Variants in RPTOR observed in about 807,000 individuals in gnomAD.
RPTOR encodes the protein regulatory-associated protein of mTOR.
In RPTOR, 21 loss-of-function variants were observed where a neutral mutation model predicts 169.9. The ratio of observed to expected loss-of-function variants is 0.12; its 90% confidence interval spans 0.09 to 0.18. The LOEUF is 0.18. RPTOR is among the 10% of genes least tolerant of loss of function. The pLI is 1.00. For synonymous variants in RPTOR, 732 were observed against 753.2 expected (o/e 0.97, Z 0.46); for missense variants, 1,133 against 1,855.9 (o/e 0.61, Z 7.16).
chr17:80,625,882 G>C (rs2065390340), intron 2 of RPTOR, 89 bp downstream of exon 2: 7 of 867,388 alleles, frequency 8.1e-6, no homozygotes, highest in Non-Finnish European at 1.2e-5. Flanking sequence ...GTCTGGTCCA[G>C]GGGCCCGTCT....
At position 80,746,996 on chromosome 17, in the gene RPTOR, T is replaced by C. The variant is rs1477920334; in HGVS notation, c.655-7014T>C. On this transcript the variant is annotated intron_variant, in intron 5 of 33. Coordinates refer to ENST00000306801, the MANE Select transcript of RPTOR (RefSeq NM_020761.3). This position sits in a 1 kb window ranked among gnomAD's most constrained non-coding sequence, Gnocchi z 4.5. ...ACTTCGGGAGGCCGAGGCAGGCAGC[T>C]CACTTGAGGTCAGGAATTCGAGACC... Among the ~76,000 whole-genome samples, 1 of 152,144 alleles carries C rather than the reference T, an allele frequency of 6.6e-6. No individual in the cohort carries two copies.
chr17:80,568,696 A>G (rs1372910316), intron 1 of RPTOR, among the ~76,000 whole-genome samples: 2 of 151,862 alleles, frequency 1.3e-5, no homozygotes, highest in Admixed American at 6.6e-5. Flanking sequence ...CCAGAGCTCT[A>G]TTTACATTTA....
In RPTOR at chr17:80,746,628, C is replaced by T. The variant is rs542352375; in HGVS notation, c.655-7382C>T. ...GGAGAAACCCCTTTGGGTGCACGCT[C>T]ACCTTAGGCTTGCTGTTTGGGAAAA... On this transcript the variant is annotated intron_variant, in intron 5 of 33. Coordinates refer to ENST00000306801, the MANE Select transcript of RPTOR (RefSeq NM_020761.3). This position sits in a 1 kb window ranked among gnomAD's most constrained non-coding sequence, Gnocchi z 4.5. Among the ~76,000 whole-genome samples the T allele has an allele frequency of 6.6e-6, 1 of 152,278 alleles. No individual in the cohort carries two copies. The highest frequency in any genetic ancestry group is 1.9e-4 in the East Asian group (1 of 5,178).
chr17:80,915,102 C>T (rs1018900005), intron 21 of RPTOR, among the ~76,000 whole-genome samples: 1 of 152,174 alleles, frequency 6.6e-6, no homozygotes, highest in Non-Finnish European at 1.5e-5. Flanking sequence ...GAGAGCTGAG[C>T]AGACGTTGGG....
At chr17:80,865,841 A>G (rs1164757183) in intron 13 of RPTOR, among the ~76,000 whole-genome samples, 1 of 152,126 alleles carries the variant, frequency 6.6e-6, no homozygotes, top group Non-Finnish European at 1.5e-5. Context: ...CACAGCAGCC[A>G]TGCAGTGCAC....
intron 1 of RPTOR, among the ~76,000 whole-genome samples, chr17:80,583,182 GTTTTTTTTTTT>G (rs1166711662): frequency 1.3e-5 from 1 of 79,270 alleles, no homozygotes; most frequent in African/African-American, 5.1e-5. Flanking sequence ...CCTCTTTCCT[GTTTTTTTTTTT>G]TTTTTTTTTT....
chr17:80,732,595 G>A (rs1014868536), intron 5 of RPTOR, among the ~76,000 whole-genome samples: 1 of 152,200 alleles, frequency 6.6e-6, no homozygotes, highest in Non-Finnish European at 1.5e-5. Context: ...AAGGCAATGC[G>A]ATACCGTATG....
chr17:80,743,526 T>A, intron 5 of RPTOR: 1 of 869,084 alleles, frequency 1.2e-6, no homozygotes, highest in Non-Finnish European at 1.4e-6. Context: ...TTGCCAGGTC[T>A]GAAAGAGGTC....
chr17:80,575,585 C>T (rs2064955759), intron 1 of RPTOR, among the ~76,000 whole-genome samples: 1 of 152,166 alleles, frequency 6.6e-6, no homozygotes, highest in African/African-American at 2.4e-5. Context: ...TGCATACATG[C>T]ATGCACACGC....
At chr17:80,833,635 A>C (rs1435057778) in intron 9 of RPTOR, among the ~76,000 whole-genome samples, 1 of 152,250 alleles carries the variant, frequency 6.6e-6, no homozygotes, top group Non-Finnish European at 1.5e-5. Flanking sequence ...TAGAAAATGC[A>C]GCCAGTTTTA....
intron 19 of RPTOR, 29 bp from the exon 20 acceptor site, chr17:80,893,678 C>T (rs751180698): frequency 9.4e-6 from 15 of 1,595,628 alleles, no homozygotes; most frequent in Middle Eastern, 1.7e-4. Context: ...CCCGGGAGCA[C>T]CCCACTGACC....
chr17:80,626,594 G>A (rs1599612541), intron 2 of RPTOR, among the ~76,000 whole-genome samples: 1 of 152,092 alleles, frequency 6.6e-6, no homozygotes, highest in East Asian at 1.9e-4. Context: ...ACAACCTTGT[G>A]TGGTAGGGTT....
intron 4 of RPTOR, among the ~76,000 whole-genome samples, chr17:80,725,323 T>C (rs903412097): frequency 6.6e-6 from 1 of 152,214 alleles, no homozygotes; most frequent in African/African-American, 2.4e-5. Context: ...TGGATTGTAA[T>C]GAAGAAATTA....
chr17:80,728,244 T>G (rs1424972532), intron 4 of RPTOR, among the ~76,000 whole-genome samples: 1 of 152,210 alleles, frequency 6.6e-6, no homozygotes, highest in Non-Finnish European at 1.5e-5. Context: ...AAATTCTCTG[T>G]CATGTACTGT....
chr17:80,591,956 C>T (rs1599583325), intron 1 of RPTOR, among the ~76,000 whole-genome samples: 1 of 152,204 alleles, frequency 6.6e-6, no homozygotes, highest in Admixed American at 6.5e-5. Flanking sequence ...TGCTTTCATT[C>T]TGTCAGCTTT....
rs562296931 is a variant in RPTOR, at chr17:80,874,135, A to T, written c.1510-6280A>T. Among the ~76,000 whole-genome samples the T allele has an allele frequency of 2.5e-3, 382 of 152,270 alleles. 1 individual carries two copies. Among genetic ancestry groups the T allele is most frequent in the African/African-American group, 8.8e-3 (366 of 41,542 alleles). On this transcript the variant is annotated intron_variant, in intron 13 of 33. Transcript: ENST00000306801. ...TGGAAAGCATGCCAGTGATTTTGCT[A>T]TGGACATCAGATGCAGCATTCAGGG...
At chr17:80,898,789 T>C (rs974132799) in intron 20 of RPTOR, among the ~76,000 whole-genome samples, 1 of 150,952 alleles carries the variant, frequency 6.6e-6, no homozygotes, top group Non-Finnish European at 1.5e-5. Context: ...GTTTTGATGA[T>C]GGGCTTTTCA....
chr17:80,868,821 A>G (rs949894584), intron 13 of RPTOR, among the ~76,000 whole-genome samples: 1 of 152,256 alleles, frequency 6.6e-6, no homozygotes, highest in Admixed American at 6.5e-5. Flanking sequence ...ATCTCAAAAT[A>G]GTTAGATTGA....
In RPTOR at chr17:80,964,331, C is replaced by T. The variant is rs773053869; in HGVS notation, c.*1C>T. 1.2e-5 allele frequency: 19 copies of T among 1,605,970 alleles called. No individual in the cohort carries two copies. Among genetic ancestry groups the T allele is most frequent in the East Asian group, 2.2e-5 (1 of 44,868 alleles). On this transcript the variant is annotated 3_prime_UTR_variant, in exon 34 of 34. Coordinates refer to ENST00000306801, the MANE Select transcript of RPTOR (RefSeq NM_020761.3). ...CTCGGTGGAGAAGCGTGTCAGATAG[C>T]GGCGTGACCCGGGCCCACCAGGCCA...
Sources: allele counts gnomAD v4.1 joint callset (sites outside exome capture counted in the v4.1 genomes callset), GRCh38; gene constraint gnomAD v4.1.1; non-coding constraint Gnocchi (gnomAD v3.1); transcripts MANE v1.5; gene names NCBI Gene and HGNC (gene_info 2026-07-23, HGNC 2026-07-21).